GRIP2: variants seen among roughly 807,000 people sequenced by gnomAD.
The protein encoded by GRIP2 is glutamate receptor-interacting protein 2.
In GRIP2, 58 loss-of-function variants were observed where a neutral mutation model predicts 108.3. The observed-to-expected ratio is 0.54, with a 90% CI of 0.43 to 0.67. The LOEUF (loss-of-function observed/expected upper bound fraction) is 0.67, where lower values mean the gene tolerates loss of function less well. GRIP2 is among the 30% of genes least tolerant of loss of function. The pLI is 0.00. For missense variants in GRIP2, 1,278 were observed against 1,430.6 expected, an observed-to-expected ratio of 0.89 and a Z score of 1.72; for synonymous variants, 586 against 598.2, an observed-to-expected ratio of 0.98 and a Z score of 0.30.
chr3:14,524,182 A>G lies in GRIP2; in HGVS notation c.403+211T>C, dbSNP rs187909110. On this transcript the variant is annotated intron_variant, in intron 4 of 23. Coordinates refer to ENST00000621039, the MANE Select transcript of GRIP2 (RefSeq NM_001080423.4). Reference sequence around the variant, plus strand: ...ATCTGGAGACTAAATATGTAAAATGACATTGGCTATAGAGTCCCACCACCT... The same window carrying G: ...ATCTGGAGACTAAATATGTAAAATGGCATTGGCTATAGAGTCCCACCACCT... 63 of 595,290 alleles carry G rather than the reference A, an allele frequency of 1.1e-4. No individual in the cohort carries two copies. In the East Asian group the frequency reaches 1.7e-3, roughly 16 times the overall value. The allele number at this position is 595,290 out of a possible 1,614,324, so 36.9% of individuals were successfully genotyped here.
the GRIP2 span, among the ~76,000 whole-genome samples, chr3:14,597,288 G>C: frequency 1.3e-5 from 2 of 152,164 alleles, no homozygotes; most frequent in Non-Finnish European, 2.9e-5. Flanking sequence ...TGAGAAATAG[G>C]GAACTGGGTG....
upstream of GRIP2, among the ~76,000 whole-genome samples, chr3:14,543,042 G>A (rs1695001881): frequency 6.6e-6 from 1 of 152,336 alleles, no homozygotes; most frequent in Non-Finnish European, 1.5e-5. Flanking sequence ...GGGTTTTTTA[G>A]ACTGACTTTG....
At chr3:14,502,027 G>A (rs148059544) in intron 21 of GRIP2, among the ~76,000 whole-genome samples, 214 of 152,206 alleles carry the variant, frequency 1.4e-3, no homozygotes, top group African/African-American at 4.8e-3. Flanking sequence ...TTATATACTA[G>A]AATTAAGTTT....
At chr3:14,579,940 C>T in the GRIP2 span, among the ~76,000 whole-genome samples, 154 of 152,310 alleles carry the variant, frequency 1.0e-3, no homozygotes, top group African/African-American at 3.3e-3. Context: ...CGGTGCCATA[C>T]GGGGTGGGGT....
chr3:14,512,999 G>A lies in GRIP2; in HGVS notation c.1640-142C>T. 3 of 726,600 alleles carry A rather than the reference G, an allele frequency of 4.1e-6. No individual in the cohort carries two copies. In the South Asian group the frequency reaches 5.2e-5, roughly 13 times the overall value. 45.0% of individuals were successfully genotyped at this position (726,600 alleles called of 1,614,324 possible). ...CTCATCCCCCTGCTTCCTCTCAACA[G>A]AGGAGGAAACTGAGGCAGAGTGAGC... On this transcript the variant is annotated intron_variant, in intron 13 of 23. Coordinates refer to ENST00000621039, the MANE Select transcript of GRIP2 (RefSeq NM_001080423.4). This position sits in a 1 kb window ranked among gnomAD's most constrained non-coding sequence, Gnocchi z 5.1.
rs1310539457 is a variant in GRIP2 at position 14,522,616 on chromosome 3, C to G, written c.566+384G>C. ...GCCGAGCTGGGTCGATCAGCCAGGACCCAGGAGACTGAGTCACAGACGGCT... is the reference window on the plus strand; with the variant it reads ...GCCGAGCTGGGTCGATCAGCCAGGAGCCAGGAGACTGAGTCACAGACGGCT... On this transcript the variant is annotated intron_variant, in intron 6 of 23. Transcript: ENST00000621039. The surrounding 1 kb of genome is among the most constrained non-coding windows in gnomAD (Gnocchi z 4.3). The G allele has an allele frequency of 1.5e-5, 3 of 198,672 alleles. No individual in the cohort carries two copies. The Admixed American group carries it at 1.6e-4, about 11-fold the overall frequency. The allele number at this position is 198,672 out of a possible 1,614,324, so 12.3% of individuals were successfully genotyped here.
In GRIP2 at chr3:14,517,827, G is replaced by A. The variant is rs892714157; in HGVS notation, c.1101C>T (p.Pro367=). The change falls in exon 10 of 24, where the codon CCC becomes CCT. Residue 367 remains proline, a synonymous_variant. Coordinates refer to ENST00000621039, the MANE Select transcript of GRIP2 (RefSeq NM_001080423.4). The part of the protein sequence containing the change: ...PCVPSCHSPR[P]GHCRMPTWAT... ...CCCAGGTGGGCATCCTGCAGTGGCC[G>A]GGCCGGGGGCTGTGGCAGGAGGGCA... 25 of 1,604,848 alleles carry A rather than the reference G, an allele frequency of 1.6e-5. No individual in the cohort carries two copies. In the East Asian group the frequency reaches 2.9e-4, roughly 19 times the overall value.
At chr3:14,496,295 C>G in intron 22 of GRIP2, 122 bp downstream of exon 22, 1 of 782,356 alleles carries the variant, frequency 1.3e-6, no homozygotes, top group Non-Finnish European at 2.0e-6. Context: ...AAAACTCAAC[C>G]CAGTTTTGTG....
chr3:14,545,073 G>A (rs1403038621), upstream of GRIP2, among the ~76,000 whole-genome samples: 2 of 152,220 alleles, frequency 1.3e-5, no homozygotes, highest in South Asian at 2.1e-4. Context: ...ACAGGCCAAG[G>A]AGGCTCCGAC....
At chr3:14,540,578 C>T (rs6810283), upstream of GRIP2, among the ~76,000 whole-genome samples, 9,456 of 152,220 alleles carry the variant, frequency 0.062, 367 homozygotes, top group East Asian at 0.093. The surrounding 1 kb of genome is among the most constrained non-coding windows in gnomAD (Gnocchi z 4.1). Context: ...TGGGGCTTCC[C>T]CCAGGGCTCT....
rs769099965 is a variant in GRIP2, at chr3:14,517,185, C to T, written c.1185G>A (p.Pro395=). 1.4e-5 allele frequency: 23 copies of T among 1,600,130 alleles called. No homozygotes were observed. The highest frequency in any genetic ancestry group is 4.6e-5 in the East Asian group (2 of 43,710). The change falls in exon 11 of 24, where the codon CCG becomes CCA. Residue 395 remains proline, a synonymous_variant. Coordinates refer to ENST00000621039, the MANE Select transcript of GRIP2 (RefSeq NM_001080423.4). The stretch of plus-strand genomic sequence containing the variant: ...TGCAGGAAAAGGCGTGGTTCAAGGT[C>T]GGCGAGGAAAAGGGAGTTGAAGACA... ...RSLSSTPFSS[P]TLNHAFSCNN...
At chr3:14,510,105 C>G in intron 16 of GRIP2, 141 bp from the exon 17 acceptor site, 1 of 730,214 alleles carries the variant, frequency 1.4e-6, no homozygotes. Context: ...GTAGCACAAC[C>G]TGGGGACCCT....
intron 1 of GRIP2, among the ~76,000 whole-genome samples, chr3:14,548,821 T>A (rs1446827259): frequency 1.3e-5 from 2 of 152,220 alleles, no homozygotes; most frequent in Admixed American, 6.5e-5. Context: ...CCAACTAGGA[T>A]GGGCAGAGGG....
At position 14,507,801 on chromosome 3, in the gene GRIP2, C is replaced by T; in HGVS notation, c.2079-101G>A. The T allele has an allele frequency of 7.3e-7, 1 of 1,378,414 alleles. No homozygotes were observed. The highest frequency in any genetic ancestry group is 1.3e-5 in the South Asian group (1 of 77,004). The allele number at this position is 1,378,414 out of a possible 1,614,324, so 85.4% of individuals were successfully genotyped here. A position where few individuals can be genotyped will look rare whatever the true frequency, so the allele number is the denominator to read the frequency against. On this transcript the variant is annotated intron_variant, in intron 17 of 23. Coordinates refer to ENST00000621039, the MANE Select transcript of GRIP2 (RefSeq NM_001080423.4). The surrounding 1 kb of genome is among the most constrained non-coding windows in gnomAD (Gnocchi z 4.6). ...TCCAGGAGAGCCACAAAGCAGAAGT[C>T]TGGCTGACCCCAGTTAAACCCAGCT... is the stretch of plus-strand genomic sequence containing the variant.
At chr3:14,544,578 C>T (rs905586979), upstream of GRIP2, among the ~76,000 whole-genome samples, 31 of 152,128 alleles carry the variant, frequency 2.0e-4, no homozygotes, top group African/African-American at 5.8e-4. Flanking sequence ...GAGTGACAGC[C>T]GGAAATGAAG....
chr3:14,541,854 G>A (rs1018187933), upstream of GRIP2: 1 of 1,312,286 alleles, frequency 7.6e-7, no homozygotes, highest in Non-Finnish European at 1.0e-6. Flanking sequence ...AAATCATGCA[G>A]GGACGGGGGT....
At chr3:14,576,876 G>A in the GRIP2 span, among the ~76,000 whole-genome samples, 1 of 152,174 alleles carries the variant, frequency 6.6e-6, no homozygotes, top group African/African-American at 2.4e-5. Flanking sequence ...TTGAACCATT[G>A]ATTCATCCTC....
intron 1 of GRIP2, among the ~76,000 whole-genome samples, chr3:14,554,258 G>A (rs1695198675): frequency 6.6e-6 from 1 of 152,124 alleles, no homozygotes; most frequent in African/African-American, 2.4e-5. Flanking sequence ...TGGTCTGTCC[G>A]GGCCAATACA....
At chr3:14,581,978 G>C in the GRIP2 span, among the ~76,000 whole-genome samples, 6 of 152,200 alleles carry the variant, frequency 3.9e-5, no homozygotes, top group Non-Finnish European at 8.8e-5. Flanking sequence ...AGACTTGAGA[G>C]AGGGGAGAAG....
Sources: gnomAD v4.1 joint callset for allele counts (sites outside exome capture counted in the v4.1 genomes callset) on GRCh38, gnomAD v4.1.1 for gene constraint, Gnocchi (gnomAD v3.1) non-coding constraint, MANE v1.5 for transcripts, NCBI Gene and HGNC (gene_info 2026-07-23, HGNC 2026-07-21) for gene names.